NR5A1: variants seen among roughly 807,000 people sequenced by gnomAD.
NR5A1 encodes the protein steroidogenic factor 1.
NR5A1 carries 6 observed loss-of-function variants against 42.7 expected under a neutral mutation model. The ratio of observed to expected loss-of-function variants is 0.14; its 90% CI spans 0.08 to 0.28. NR5A1 has a LOEUF of 0.28. NR5A1 is among the 10% of genes least tolerant of loss of function. The pLI, the probability that NR5A1 is intolerant of heterozygous loss-of-function variation, is 1.00. For missense variants in NR5A1, 442 were observed against 626.4 expected, an observed-to-expected ratio of 0.71 and a Z score of 3.14; for synonymous variants, 274 against 277.5, an observed-to-expected ratio of 0.99 and a Z score of 0.12.
intron 3 of NR5A1, among the ~76,000 whole-genome samples, chr9:124,502,614 C>T (rs919262434): frequency 2.6e-5 from 4 of 152,212 alleles, no homozygotes; most frequent in South Asian, 2.1e-4. Context: ...AGGCATGAGC[C>T]GCTCCATCCG....
At chr9:124,484,378 C>T (rs1288253576) in intron 6 of NR5A1, among the ~76,000 whole-genome samples, 1 of 152,200 alleles carries the variant, frequency 6.6e-6, no homozygotes, top group African/African-American at 2.4e-5. Flanking sequence ...AGGGCAAAGC[C>T]TGGGACTGAG....
intron 6 of NR5A1, among the ~76,000 whole-genome samples, chr9:124,485,748 A>G (rs1588615083): frequency 6.6e-6 from 1 of 151,984 alleles, no homozygotes; most frequent in Non-Finnish European, 1.5e-5. Context: ...GAACAGCCCT[A>G]CTCCCTAGCC....
intron 6 of NR5A1, among the ~76,000 whole-genome samples, chr9:124,483,738 C>T (rs191376414): frequency 1.6e-4 from 25 of 152,338 alleles, no homozygotes; most frequent in South Asian, 4.1e-4. Context: ...ATCAGCACCA[C>T]GCCCACAGAG....
intron 5 of NR5A1, among the ~76,000 whole-genome samples, 173 bp from the exon 6 acceptor site, chr9:124,491,401 GC>G (rs1031202928): frequency 2.0e-5 from 3 of 152,148 alleles, no homozygotes; most frequent in Non-Finnish European, 4.4e-5. Flanking sequence ...CATCTGCACA[GC>G]CCCGGGGACG....
Position 124,482,807 on chromosome 9 carries a change from A to C in NR5A1, c.1337T>G (p.Met446Arg). The change falls in exon 7 of 7, where the codon ATG becomes AGG. Residue 446 changes from methionine (M) to arginine (R), a missense_variant. Met to Arg is a moderately conservative substitution (Grantham distance 91, BLOSUM62 -1). Coordinates refer to ENST00000373588, the MANE Select transcript of NR5A1 (RefSeq NM_004959.5). ...YLYHKHLGNE[M>R]PRNNLLIEML... is the part of the protein sequence containing the mutation. ...TTCGATGAGCAGGTTGTTGCGGGGC[A>C]TCTCGTTGCCCAGGTGCTTGTGGTA... 1 of 1,508,228 alleles carries C rather than the reference A, an allele frequency of 6.6e-7. No homozygotes were observed. 93.4% of individuals were successfully genotyped at this position (1,508,228 alleles called of 1,614,324 possible). A position where few individuals can be genotyped will look rare whatever the true frequency, so the allele number is the denominator to read the frequency against.
chr9:124,503,513 C>T lies in NR5A1; in HGVS notation c.-15-103G>A, dbSNP rs977915006. 1 of 937,106 alleles carries T rather than the reference C, an allele frequency of 1.1e-6. No homozygotes were observed. The highest frequency in any genetic ancestry group is 1.8e-5 in the South Asian group (1 of 56,104). The allele number at this position is 937,106 out of a possible 1,614,324, so 58.0% of individuals were successfully genotyped here. ...TGTCGCCGGCCCGTCGCGTAATCCC[C>T]TCTCTGTGCCCAGGCGCTGCCGCCG... On this transcript the variant is annotated intron_variant, in intron 1 of 6. Coordinates refer to ENST00000373588, the MANE Select transcript of NR5A1 (RefSeq NM_004959.5). This position sits in a 1 kb window ranked among gnomAD's most constrained non-coding sequence, Gnocchi z 9.6.
In NR5A1 at chr9:124,498,877, G is replaced by A. The variant is rs1408882641; in HGVS notation, c.870+1213C>T. 2.0e-5 allele frequency among the ~76,000 whole-genome samples: 3 copies of A among 152,158 alleles called. No individual in the cohort carries two copies. Among genetic ancestry groups the A allele is most frequent in the Non-Finnish European group, 4.4e-5 (3 of 68,014 alleles). On this transcript the variant is annotated intron_variant, in intron 4 of 6. Transcript: ENST00000373588. The surrounding 1 kb of genome is among the most constrained non-coding windows in gnomAD (Gnocchi z 4.6). ...CCCAGATGGCCCAGGCCCCAGTCCC[G>A]CGATGCCCCTAGGGCTCGGAGCACC...
At chr9:124,493,744 A>G (rs1193688713) in intron 4 of NR5A1, among the ~76,000 whole-genome samples, 2 of 152,176 alleles carry the variant, frequency 1.3e-5, no homozygotes, top group African/African-American at 4.8e-5. Flanking sequence ...GGGCATGAGC[A>G]GGGGGGCGGC....
chr9:124,498,073 C>G lies in NR5A1; in HGVS notation c.870+2017G>C, dbSNP rs978473098. ...AGTGTCCAGCCCAAGGGCTGCTCCA[C>G]TCTCAGAGCCAGAGAGCCCCCTCTT... is the stretch of plus-strand genomic sequence containing the variant. On this transcript the variant is annotated intron_variant, in intron 4 of 6. Transcript: ENST00000373588. This position sits in a 1 kb window ranked among gnomAD's most constrained non-coding sequence, Gnocchi z 4.6. 9.9e-5 allele frequency among the ~76,000 whole-genome samples: 15 copies of G among 152,248 alleles called. No individual in the cohort carries two copies. Among genetic ancestry groups the G allele is most frequent in the African/African-American group, 3.6e-4 (15 of 41,460 alleles).
In NR5A1 at chr9:124,500,061, G is replaced by A; in HGVS notation, c.870+29C>T. 6.2e-7 allele frequency: 1 copy of A among 1,613,040 alleles called. No homozygotes were observed. Among genetic ancestry groups the A allele is most frequent in the South Asian group, 1.1e-5 (1 of 91,076 alleles). ...GGGCAGCCGGGAGGACCATGATGCA[G>A]GGCCAGCCGGGCGGGAGGAGAGACT... On this transcript the variant is annotated intron_variant, in intron 4 of 6. Transcript: ENST00000373588. The surrounding 1 kb of genome is among the most constrained non-coding windows in gnomAD (Gnocchi z 6.9).
At chr9:124,490,730 ATGCACG>A (rs1438153599) in intron 6 of NR5A1, among the ~76,000 whole-genome samples, 2 of 152,004 alleles carry the variant, frequency 1.3e-5, no homozygotes, top group Admixed American at 6.5e-5. Flanking sequence ...CAATGAATGG[ATGCACG>A]TGTGCATGAG....
Position 124,482,464 on chromosome 9 carries a change from G to A in NR5A1, c.*294C>T. 1 of 456,656 alleles carries A rather than the reference G, an allele frequency of 2.2e-6. No individual in the cohort carries two copies. The highest frequency in any genetic ancestry group is 2.0e-5 in the South Asian group (1 of 49,052). The allele number at this position is 456,656 out of a possible 1,614,324, so 28.3% of individuals were successfully genotyped here. ...TGCAGGCTTCAGACTCCAGGAGAGA[G>A]AGCTGGGAGCAGGGAGGGGGCGGGG... On this transcript the variant is annotated 3_prime_UTR_variant, in exon 7 of 7. Transcript: ENST00000373588.
chr9:124,499,591 G>A (rs1177664260), intron 4 of NR5A1, among the ~76,000 whole-genome samples: 2 of 152,196 alleles, frequency 1.3e-5, no homozygotes, highest in Admixed American at 6.5e-5. Context: ...ATCCTTGCCA[G>A]CCTCCCTGAA....
Position 124,503,446 on chromosome 9 carries a change from A to G in NR5A1, c.-15-36T>C, listed in dbSNP as rs1313279869. The stretch of plus-strand genomic sequence containing the variant: ...ACAGCGGGTCAGGGAGGGCCGGCGG[A>G]GACCGGCAGCCTGGGGTCCCCGCGG... On this transcript the variant is annotated intron_variant, in intron 1 of 6. Coordinates refer to ENST00000373588, the MANE Select transcript of NR5A1 (RefSeq NM_004959.5). This position sits in a 1 kb window ranked among gnomAD's most constrained non-coding sequence, Gnocchi z 9.6. 2.5e-5 allele frequency: 38 copies of G among 1,540,698 alleles called. No homozygotes were observed. The highest frequency in any genetic ancestry group is 3.3e-5 in the Non-Finnish European group (38 of 1,138,866).
intron 4 of NR5A1, among the ~76,000 whole-genome samples, chr9:124,499,017 G>T (rs571176704): frequency 6.6e-6 from 1 of 152,342 alleles, no homozygotes; most frequent in African/African-American, 2.4e-5. Flanking sequence ...CAAGGCTGCA[G>T]TGGCCCCAGC....
intron 1 of NR5A1, among the ~76,000 whole-genome samples, chr9:124,505,485 G>T (rs1307923676): frequency 6.6e-6 from 1 of 152,202 alleles, no homozygotes; most frequent in Non-Finnish European, 1.5e-5. Flanking sequence ...TGTGAAGTGG[G>T]TAGATGACCG....
Position 124,482,112 on chromosome 9 carries a change from TC to T in NR5A1, c.*645del, listed in dbSNP as rs1564146549. 6.5e-6 allele frequency: 1 copy of T among 153,772 alleles called. No homozygotes were observed. The highest frequency in any genetic ancestry group is 1.9e-4 in the East Asian group (1 of 5,206). The allele number at this position is 153,772 out of a possible 1,614,324, so 9.5% of individuals were successfully genotyped here. ...CAGTGATGCCTGGAGCAAAGTTTTT[TC>T]CCGATGATGTATCAATGCCCCCTCT... is the stretch of plus-strand genomic sequence containing the variant. On this transcript the variant is annotated 3_prime_UTR_variant, in exon 7 of 7. Coordinates refer to ENST00000373588, the MANE Select transcript of NR5A1 (RefSeq NM_004959.5).
Position 124,500,939 on chromosome 9 carries a change from C to G in NR5A1, c.245-224G>C, listed in dbSNP as rs952118099. The G allele has an allele frequency of 1.4e-6, 1 of 734,520 alleles. No individual in the cohort carries two copies. The highest frequency in any genetic ancestry group is 1.7e-5 in the African/African-American group (1 of 57,532). The allele number at this position is 734,520 out of a possible 1,614,324, so 45.5% of individuals were successfully genotyped here. A position where few individuals can be genotyped will look rare whatever the true frequency, so the allele number is the denominator to read the frequency against. On this transcript the variant is annotated intron_variant, in intron 3 of 6. Coordinates refer to ENST00000373588, the MANE Select transcript of NR5A1 (RefSeq NM_004959.5). This position sits in a 1 kb window ranked among gnomAD's most constrained non-coding sequence, Gnocchi z 6.9. ...TAAGACCCCTCTCCTTCCACTCCAC[C>G]GAACTCACCTCCACTCCTCTGTTTG...
At chr9:124,486,659 T>C (rs994323083) in intron 6 of NR5A1, among the ~76,000 whole-genome samples, 2 of 152,196 alleles carry the variant, frequency 1.3e-5, no homozygotes, top group African/African-American at 4.8e-5. Flanking sequence ...TTCCTCCTCA[T>C]CTGGAGACCT....
Sources: allele counts gnomAD v4.1 joint callset (sites outside exome capture counted in the v4.1 genomes callset), GRCh38; gene constraint gnomAD v4.1.1; non-coding constraint Gnocchi (gnomAD v3.1); transcripts MANE v1.5; gene names NCBI Gene and HGNC (gene_info 2026-07-23, HGNC 2026-07-21).